Variants in ODAD2 observed in about 807,000 individuals in gnomAD.
ODAD2 encodes outer dynein arm-docking complex subunit 2.
ODAD2 carries 89 observed loss-of-function variants against 106.8 expected under a neutral mutation model. That is an observed-to-expected ratio of 0.83 (90% CI 0.70 to 0.99). The LOEUF is 0.99. Among genes scored for constraint, ODAD2 ranks in the 50% least tolerant of loss-of-function variants. The probability of loss-of-function intolerance (pLI) is 0.00; values close to 1 mark genes in which losing one functional copy is unlikely to be tolerated. For missense variants in ODAD2, 1,168 were observed against 1,238.5 expected, an observed-to-expected ratio of 0.94 and a Z score of 0.85; for synonymous variants, 404 against 436.2, an observed-to-expected ratio of 0.93 and a Z score of 0.92.
At chr10:27,821,286 C>T (rs1400465504) in intron 19 of ODAD2, among the ~76,000 whole-genome samples, 1 of 151,990 alleles carries the variant, frequency 6.6e-6, no homozygotes, top group African/African-American at 2.4e-5. Context: ...ATTGTTTTTC[C>T]CGAGTTTTAC....
At position 27,971,206 on chromosome 10, in the gene ODAD2, T is replaced by G. The variant is rs1307969199; in HGVS notation, c.1044A>C (p.Lys348Asn). 1.2e-6 allele frequency: 2 copies of G among 1,614,066 alleles called. No individual in the cohort carries two copies. Among genetic ancestry groups the G allele is most frequent in the Non-Finnish European group, 1.7e-6 (2 of 1,179,942 alleles). The change falls in exon 8 of 20, where the codon AAA becomes AAC. Residue 348 changes from lysine to asparagine, a missense_variant. Transcript: ENST00000305242. ...TAATTTGGTTCTTCTCCAGTGACCT[T>G]TTGTCTGAACCAGAAATGTCTTTGC... ...ALRKDISGSD[K>N]RSLEKNQINF...
rs971813422 is a variant in ODAD2 at position 27,929,174 on chromosome 10, T to C, written c.2495+5836A>G. Among the ~76,000 whole-genome samples the C allele has an allele frequency of 2.0e-5, 3 of 152,100 alleles. No individual in the cohort carries two copies. The East Asian group carries it at 5.8e-4, about 29-fold the overall frequency. On this transcript the variant is annotated intron_variant, in intron 16 of 19. Transcript: ENST00000305242. ...ACCCCAAAATCCTACCATACTGAAA[T>C]AACAATCATTAGCTGCTTAGGTAAA...
chr10:27,930,596 C>A (rs1845547354), intron 16 of ODAD2, among the ~76,000 whole-genome samples: 1 of 148,826 alleles, frequency 6.7e-6, no homozygotes, highest in African/African-American at 2.5e-5. Flanking sequence ...CACTGCACTC[C>A]AGCCTAGGCG....
chr10:27,972,827 T>G (rs1217914687), intron 7 of ODAD2, among the ~76,000 whole-genome samples: 1 of 152,020 alleles, frequency 6.6e-6, no homozygotes, highest in African/African-American at 2.4e-5. Flanking sequence ...CAAAACTCTC[T>G]CAGTAATCAA....
intron 8 of ODAD2, 93 bp downstream of exon 8, chr10:27,971,015 C>A (rs7072799): frequency 4.4e-5 from 15 of 342,874 alleles, no homozygotes; most frequent in Middle Eastern, 5.6e-4. Flanking sequence ...AATAAACAAA[C>A]AAACAAAATA....
At chr10:27,992,726 A>T (rs1850303562) in intron 2 of ODAD2, among the ~76,000 whole-genome samples, 1 of 152,042 alleles carries the variant, frequency 6.6e-6, no homozygotes, top group Non-Finnish European at 1.5e-5. Context: ...GAGATATAAG[A>T]ATGGAAATAA....
chr10:27,971,289 G>T lies in ODAD2; in HGVS notation c.961C>A (p.Gln321Lys). The change falls in exon 8 of 20, where the codon CAA (glutamine) becomes AAA (lysine). Residue 321 changes from glutamine (Q) to lysine (K), a missense_variant. This residue lies in a region of ODAD2 where 430 missense variants were observed against 452.2 expected (regional missense o/e 0.95). Coordinates refer to ENST00000305242, the MANE Select transcript of ODAD2 (RefSeq NM_018076.5). ...KLGISFSEDQ[Q>K]KEKDQLGKAP... is the part of the protein sequence containing the mutation. ...TTGCCAAGCTGATCCTTTTCCTTTT[G>T]CTGGTCTTCACTGAAGCTAATTCCC... 3 of 1,609,784 alleles carry T rather than the reference G, an allele frequency of 1.9e-6. No individual in the cohort carries two copies. Among genetic ancestry groups the T allele is most frequent in the Non-Finnish European group, 2.5e-6 (3 of 1,178,240 alleles).
At position 27,854,591 on chromosome 10, in the gene ODAD2, A is replaced by G. The variant is rs1564430624; in HGVS notation, c.3021+6034T>C. The stretch of plus-strand genomic sequence containing the variant: ...GCCAACATGGCAAAACCCAGTCTCT[A>G]CCAAAAATACAAAAATTAGCCCGGT... On this transcript the variant is annotated intron_variant, in intron 19 of 19. Coordinates refer to ENST00000305242, the MANE Select transcript of ODAD2 (RefSeq NM_018076.5). 4.6e-5 allele frequency among the ~76,000 whole-genome samples: 7 copies of G among 152,092 alleles called. 1 individual carries two copies. In the South Asian group the frequency reaches 1.5e-3, roughly 32 times the overall value.
At chr10:27,845,595 C>A (rs938416354) in intron 19 of ODAD2, among the ~76,000 whole-genome samples, 1 of 152,118 alleles carries the variant, frequency 6.6e-6, no homozygotes, top group African/African-American at 2.4e-5. Context: ...TGTAAATGGG[C>A]TAAATGCTCC....
chr10:27,967,734 T>TA (rs1424850091), intron 9 of ODAD2, among the ~76,000 whole-genome samples: 2 of 151,488 alleles, frequency 1.3e-5, no homozygotes, highest in Admixed American at 6.6e-5. Context: ...CTACTAAAAA[T>TA]AAAAAAATTA....
intron 19 of ODAD2, among the ~76,000 whole-genome samples, chr10:27,840,200 TTATTG>T (rs1254816929): frequency 6.6e-6 from 1 of 152,214 alleles, no homozygotes; most frequent in African/African-American, 2.4e-5. Flanking sequence ...TTTTCTATTT[TTATTG>T]ATCTATTTGT....
chr10:27,959,511 C>A (rs527386357), intron 10 of ODAD2, among the ~76,000 whole-genome samples: 1 of 152,030 alleles, frequency 6.6e-6, no homozygotes, highest in Non-Finnish European at 1.5e-5. Context: ...GGCATGGTCA[C>A]CGTGCGTGCC....
intron 17 of ODAD2, among the ~76,000 whole-genome samples, chr10:27,884,835 A>T (rs1423247131): frequency 6.6e-6 from 1 of 152,202 alleles, no homozygotes; most frequent in African/African-American, 2.4e-5. Flanking sequence ...AATTAAAAGC[A>T]TACATACAGG....
intron 16 of ODAD2, among the ~76,000 whole-genome samples, chr10:27,928,774 T>G: frequency 6.6e-6 from 1 of 152,150 alleles, no homozygotes; most frequent in Non-Finnish European, 1.5e-5. Flanking sequence ...TTTCTATTAA[T>G]TGAACCTATT....
chr10:27,906,437 G>A (rs1425968395), intron 17 of ODAD2, among the ~76,000 whole-genome samples: 2 of 152,196 alleles, frequency 1.3e-5, no homozygotes, highest in East Asian at 1.9e-4. Flanking sequence ...TTCTACCATT[G>A]TGGAAGACAG....
intron 19 of ODAD2, among the ~76,000 whole-genome samples, chr10:27,818,449 A>G (rs991383761): frequency 6.6e-6 from 1 of 152,150 alleles, no homozygotes; most frequent in African/African-American, 2.4e-5. Flanking sequence ...CTCTCCCAAC[A>G]GTCAATCACT....
At chr10:27,904,255 G>A in intron 17 of ODAD2, 1 of 411,190 alleles carries the variant, frequency 2.4e-6, no homozygotes, top group Non-Finnish European at 5.0e-6. Flanking sequence ...AAGAAGTGTG[G>A]CAAGCACCAA....
chr10:27,928,264 C>T lies in ODAD2; in HGVS notation c.2495+6746G>A, dbSNP rs73606004. 3.1e-3 allele frequency among the ~76,000 whole-genome samples: 465 copies of T among 152,226 alleles called. 5 individuals carry two copies. The highest frequency in any genetic ancestry group is 0.011 in the African/African-American group (446 of 41,550). ...AAGCCAGCAAACCGAACATCATCTA[C>T]GACTCCTCCCTATTCTTTGTAACTC... is the stretch of plus-strand genomic sequence containing the variant. On this transcript the variant is annotated intron_variant, in intron 16 of 19. Transcript: ENST00000305242.
intron 19 of ODAD2, among the ~76,000 whole-genome samples, chr10:27,846,150 C>A (rs1011982740): frequency 1.3e-5 from 2 of 152,148 alleles, no homozygotes; most frequent in African/African-American, 4.8e-5. Flanking sequence ...GTACTTATTC[C>A]AAAATTGACC....
Sources: allele counts gnomAD v4.1 joint callset (sites outside exome capture counted in the v4.1 genomes callset), GRCh38; gene constraint gnomAD v4.1.1; regional missense constraint gnomAD v4.1.1; transcripts MANE v1.5; gene names NCBI Gene and HGNC (gene_info 2026-07-23, HGNC 2026-07-21).